COX7A2L: variants seen among roughly 807,000 people sequenced by gnomAD.
COX7A2L encodes the protein cytochrome c oxidase subunit 7A2 like.
A neutral mutation model predicts 14.2 loss-of-function variants in COX7A2L; 18 were observed. The ratio of observed to expected loss-of-function variants is 1.27; its 90% CI spans 0.88 to 1.88. The LOEUF is 1.88. Among genes scored for constraint, COX7A2L ranks in the 40% most tolerant of loss-of-function variants. COX7A2L has a pLI of 0.00. For synonymous variants in COX7A2L, 65 were observed against 57.4 expected, an observed-to-expected ratio of 1.13 and a Z score of -0.60; for missense variants, 179 against 138.8, an observed-to-expected ratio of 1.29 and a Z score of -1.46.
intron 1 of COX7A2L, 128 bp downstream of exon 1, chr2:42,360,962 G>A (rs1365726386): frequency 3.2e-6 from 3 of 924,866 alleles, no homozygotes; most frequent in Admixed American, 2.0e-5. Flanking sequence ...GCCCCGGGAG[G>A]TGCAAGGAGA....
chr2:42,343,023 T>G (rs1412266368), intron 2 of COX7A2L, among the ~76,000 whole-genome samples: 1 of 152,030 alleles, frequency 6.6e-6, no homozygotes, highest in Non-Finnish European at 1.5e-5. Flanking sequence ...CCCACTCCCC[T>G]CCTACCTCAG....
chr2:42,344,737 G>A (rs951325549), downstream of COX7A2L, among the ~76,000 whole-genome samples: 2 of 151,996 alleles, frequency 1.3e-5, no homozygotes, highest in Non-Finnish European at 1.5e-5. Context: ...TGTAGTCCTA[G>A]CTACTCAGGA....
At chr2:42,336,179 T>A (rs1670267375) in intron 2 of COX7A2L, among the ~76,000 whole-genome samples, 1 of 152,224 alleles carries the variant, frequency 6.6e-6, no homozygotes, top group South Asian at 2.1e-4. Flanking sequence ...TCACTTCCTG[T>A]GGCCAGTGTT....
intron 2 of COX7A2L, among the ~76,000 whole-genome samples, chr2:42,337,837 G>A (rs1670315530): frequency 6.6e-6 from 1 of 152,214 alleles, no homozygotes; most frequent in South Asian, 2.1e-4. Context: ...GAAGCCTTTT[G>A]AAACTCTCCC....
intron 2 of COX7A2L, among the ~76,000 whole-genome samples, chr2:42,335,854 C>T (rs1670259554): frequency 6.6e-6 from 1 of 152,298 alleles, no homozygotes; most frequent in South Asian, 2.1e-4. Flanking sequence ...GACTTTGAAT[C>T]GTGTCAAGAG....
rs774716207 is a variant in COX7A2L, at chr2:42,351,095, T to A, written c.*124A>T. The stretch of plus-strand genomic sequence containing the variant: ...AACAAACCAAAACATCATCTTCATA[T>A]CTTCCTATTTTTCTTGCAAAAATGT... On this transcript the variant is annotated 3_prime_UTR_variant, in exon 3 of 3. Transcript: ENST00000234301. 12 of 1,066,982 alleles carry A rather than the reference T, an allele frequency of 1.1e-5. No homozygotes were observed. The highest frequency in any genetic ancestry group is 1.6e-5 in the Non-Finnish European group (12 of 762,614). The allele number at this position is 1,066,982 out of a possible 1,614,324, so 66.1% of individuals were successfully genotyped here.
rs1437062615 is a variant in COX7A2L at position 42,353,209 on chromosome 2, C to T, written c.204+3G>A. 1 of 1,613,796 alleles carries T rather than the reference C, an allele frequency of 6.2e-7. No homozygotes were observed. Among genetic ancestry groups the T allele is most frequent in the South Asian group, 1.1e-5 (1 of 90,932 alleles). ...TTTTCTGTTGTAGAGTATCTTCCCTCACCTGGAAAAACTTTTGTAGCTCTG... is the reference window on the plus strand; with the variant it reads ...TTTTCTGTTGTAGAGTATCTTCCCTTACCTGGAAAAACTTTTGTAGCTCTG... On this transcript the variant is annotated splice_donor_region_variant and intron_variant, in intron 2 of 2. Coordinates refer to ENST00000234301, the MANE Select transcript of COX7A2L (RefSeq NM_004718.4).
intron 2 of COX7A2L, among the ~76,000 whole-genome samples, chr2:42,337,298 G>A (rs952572931): frequency 1.3e-5 from 2 of 152,178 alleles, no homozygotes; most frequent in Non-Finnish European, 2.9e-5. Flanking sequence ...AAGAAAAAGG[G>A]CTGTGAACAC....
Position 42,351,249 on chromosome 2 carries a change from G to C in COX7A2L, c.315C>G (p.Leu105=). 6.2e-7 allele frequency: 1 copy of C among 1,614,132 alleles called. No homozygotes were observed. The highest frequency in any genetic ancestry group is 8.5e-7 in the Non-Finnish European group (1 of 1,180,008). The change falls in exon 3 of 3, where the codon CTC becomes CTG. Residue 105 remains leucine (L), a synonymous_variant. Coordinates refer to ENST00000234301, the MANE Select transcript of COX7A2L (RefSeq NM_004718.4). ...TGTTTTTGGGCTGCGAAGCCATGTAGAGGGCGATCAGGCAGTAGATGGTCC... is the reference window on the plus strand; with the variant it reads ...TGTTTTTGGGCTGCGAAGCCATGTACAGGGCGATCAGGCAGTAGATGGTCC... The part of the protein sequence containing the change: ...VGGTIYCLIA[L]YMASQPKNK
upstream of COX7A2L, among the ~76,000 whole-genome samples, chr2:42,362,186 T>C (rs568469571): frequency 1.2e-4 from 19 of 152,334 alleles, no homozygotes; most frequent in South Asian, 4.1e-4. Flanking sequence ...ACTACCACTT[T>C]CAGTTCTGGT....
At chr2:42,346,364 G>C (rs990485445), downstream of COX7A2L, among the ~76,000 whole-genome samples, 13 of 152,186 alleles carry the variant, frequency 8.5e-5, no homozygotes, top group Non-Finnish European at 1.3e-4. Flanking sequence ...ATCTCCCTTT[G>C]TGTATCAGCT....
downstream of COX7A2L, among the ~76,000 whole-genome samples, chr2:42,348,720 C>T (rs953911958): frequency 5.9e-5 from 9 of 152,094 alleles, no homozygotes; most frequent in Non-Finnish European, 5.9e-5. Context: ...AAATCGAGAC[C>T]ATCTTGGCCT....
At chr2:42,336,572 G>C (rs945789249) in intron 2 of COX7A2L, among the ~76,000 whole-genome samples, 1 of 152,152 alleles carries the variant, frequency 6.6e-6, no homozygotes, top group African/African-American at 2.4e-5. Flanking sequence ...TCCTAGGAAA[G>C]GTCACAGGAG....
downstream of COX7A2L, among the ~76,000 whole-genome samples, chr2:42,348,766 C>T (rs1670546348): frequency 6.6e-6 from 1 of 151,896 alleles, no homozygotes; most frequent in Admixed American, 6.6e-5. Context: ...AAATTACAAA[C>T]AATTAGCTGG....
chr2:42,352,414 T>G (rs1391130995), intron 2 of COX7A2L, among the ~76,000 whole-genome samples: 3 of 152,174 alleles, frequency 2.0e-5, no homozygotes, highest in African/African-American at 7.2e-5. Flanking sequence ...TCCCAAAGTG[T>G]TGGGGCTGCA....
intron 2 of COX7A2L, 30 bp downstream of exon 2, chr2:42,353,182 G>C (rs539652194): frequency 9.4e-6 from 15 of 1,601,732 alleles, no homozygotes; most frequent in Non-Finnish European, 1.3e-5. Flanking sequence ...TATTTCACAG[G>C]CTTTTCTGTT....
At position 42,339,764 on chromosome 2, in the gene COX7A2L, C is replaced by T. The variant is rs1264777931; in HGVS notation, c.193-5895G>A. ...CTCAGAAGTCGGCCTGTGACCCGCT[C>T]CTGTCAGGGACTCCCACAGGGCAGC... is the stretch of plus-strand genomic sequence containing the variant. On this transcript the variant is annotated intron_variant, in intron 2 of 2. Coordinates refer to the COX7A2L transcript ENST00000468711. The surrounding 1 kb of genome is among the most constrained non-coding windows in gnomAD (Gnocchi z 5.4). Among the ~76,000 whole-genome samples the T allele has an allele frequency of 1.3e-5, 2 of 152,188 alleles. No homozygotes were observed. Among genetic ancestry groups the T allele is most frequent in the Non-Finnish European group, 2.9e-5 (2 of 68,042 alleles).
rs890673491 is a variant in COX7A2L, at chr2:42,338,199, C to A, written c.193-4330G>T. Among the ~76,000 whole-genome samples the A allele has an allele frequency of 6.6e-6, 1 of 152,230 alleles. No homozygotes were observed. Among genetic ancestry groups the A allele is most frequent in the Admixed American group, 6.5e-5 (1 of 15,292 alleles). The stretch of plus-strand genomic sequence containing the variant: ...AGACAGCCGTTCCGTGTTTCTCCCC[C>A]AGCCGCAGCGGCCAGGGAGCCGCTC... On this transcript the variant is annotated intron_variant, in intron 2 of 2. Coordinates refer to the COX7A2L transcript ENST00000468711. This position sits in a 1 kb window ranked among gnomAD's most constrained non-coding sequence, Gnocchi z 4.4.
At chr2:42,360,970 A>G in intron 1 of COX7A2L, 120 bp downstream of exon 1, 1 of 1,014,314 alleles carries the variant, frequency 9.9e-7, no homozygotes, top group Non-Finnish European at 1.5e-6. Flanking sequence ...AGGTGCAAGG[A>G]GAACAGAGAC....
Sources: gnomAD v4.1 joint callset for allele counts (sites outside exome capture counted in the v4.1 genomes callset) on GRCh38, gnomAD v4.1.1 for gene constraint, Gnocchi (gnomAD v3.1) non-coding constraint, MANE v1.5 for transcripts, NCBI Gene and HGNC (gene_info 2026-07-23, HGNC 2026-07-21) for gene names.